WWOX: variants seen among roughly 807,000 people sequenced by gnomAD.
WWOX encodes the protein WW domain-containing oxidoreductase.
In WWOX, 69 loss-of-function variants were observed where a neutral mutation model predicts 46.2. The ratio of observed to expected loss-of-function variants is 1.49; its 90% CI spans 1.23 to 1.82. The LOEUF is 1.82. WWOX is among the 40% of genes most tolerant of loss of function. The pLI, the probability that WWOX is intolerant of heterozygous loss-of-function variation, is 0.00. For missense variants in WWOX, 919 were observed against 542.6 expected (o/e 1.69, Z -6.89); for synonymous variants, 359 against 202.6 (o/e 1.77, Z -6.56).
chr16:78,859,537 T>C (rs2052667551), intron 8 of WWOX, among the ~76,000 whole-genome samples: 2 of 152,352 alleles, frequency 1.3e-5, no homozygotes, highest in East Asian at 1.9e-4. Flanking sequence ...AGAGGGCATG[T>C]TGCTGTTAGT....
chr16:78,510,928 G>T (rs1040608471), intron 8 of WWOX, among the ~76,000 whole-genome samples: 2 of 152,224 alleles, frequency 1.3e-5, no homozygotes, highest in Non-Finnish European at 2.9e-5. Flanking sequence ...GATGGTGCTT[G>T]TTGGTTGTAT....
At chr16:78,696,618 C>A (rs2048105208) in intron 8 of WWOX, among the ~76,000 whole-genome samples, 1 of 145,184 alleles carries the variant, frequency 6.9e-6, no homozygotes, top group Admixed American at 7.1e-5. Flanking sequence ...TAACCTTGCC[C>A]AGCTGTAGGC....
chr16:79,024,216 A>G (rs1384148234), intron 8 of WWOX, among the ~76,000 whole-genome samples: 3 of 152,096 alleles, frequency 2.0e-5, no homozygotes, highest in Non-Finnish European at 4.4e-5. Flanking sequence ...ACTAAAAACC[A>G]CTGAACTGTA....
intron 8 of WWOX, among the ~76,000 whole-genome samples, chr16:78,690,022 A>G (rs981686181): frequency 6.6e-6 from 1 of 151,810 alleles, no homozygotes; most frequent in African/African-American, 2.4e-5. Context: ...CCCCATGCCC[A>G]GCCAATTTTT....
intron 8 of WWOX, among the ~76,000 whole-genome samples, chr16:78,703,450 C>T (rs996142122): frequency 5.5e-5 from 5 of 91,154 alleles, no homozygotes; most frequent in African/African-American, 3.0e-4. Flanking sequence ...TCTGTCTCTA[C>T]ACATTTTTTT....
chr16:79,193,840 C>T (rs188976768), intron 8 of WWOX, among the ~76,000 whole-genome samples: 7 of 152,214 alleles, frequency 4.6e-5, no homozygotes, highest in South Asian at 2.1e-4. Context: ...TGTGGTTTAA[C>T]GAGTTCAGGG....
intron 8 of WWOX, among the ~76,000 whole-genome samples, chr16:78,845,251 A>G (rs1235560331): frequency 6.6e-6 from 1 of 151,950 alleles, no homozygotes; most frequent in South Asian, 2.1e-4. Flanking sequence ...TTGTGGCTCA[A>G]AATGAAACTT....
In WWOX at chr16:78,945,535, G is replaced by A. The variant is rs117150796; in HGVS notation, c.1057-266073G>A. Among the ~76,000 whole-genome samples, 1,345 of 152,110 alleles carry A rather than the reference G, an allele frequency of 8.8e-3. 13 individuals are homozygous for A. The highest frequency in any genetic ancestry group is 0.014 in the Middle Eastern group (4 of 294). Reference sequence around the variant, plus strand: ...CTCTTCTGTTACTGTTTATATACCCGGCCACTTCTGCCAAAATATGCTGGC... The same window carrying A: ...CTCTTCTGTTACTGTTTATATACCCAGCCACTTCTGCCAAAATATGCTGGC... On this transcript the variant is annotated intron_variant, in intron 8 of 8. Transcript: ENST00000566780.
intron 8 of WWOX, among the ~76,000 whole-genome samples, chr16:78,680,769 G>T (rs1484931459): frequency 6.6e-6 from 1 of 152,110 alleles, no homozygotes; most frequent in African/African-American, 2.4e-5. Context: ...TTTGGGTATG[G>T]AGCACTTAGC....
chr16:78,145,706 C>G (rs961527105), intron 4 of WWOX, among the ~76,000 whole-genome samples: 1 of 152,198 alleles, frequency 6.6e-6, no homozygotes, highest in African/African-American at 2.4e-5. Flanking sequence ...TATTAACCAT[C>G]TCAGTAGGCT....
chr16:78,629,728 C>A lies in WWOX; in HGVS notation c.1056+196976C>A, dbSNP rs548157577. Among the ~76,000 whole-genome samples the A allele has an allele frequency of 3.2e-4, 49 of 152,316 alleles. No homozygotes were observed. In the South Asian group the frequency reaches 9.7e-3, roughly 30 times the overall value. ...CTTTAGCTAATCAACTCTTTCTCAT[C>A]ATTTAGGCTTCAAATGGATCATCAC... On this transcript the variant is annotated intron_variant, in intron 8 of 8. Transcript: ENST00000566780.
intron 8 of WWOX, among the ~76,000 whole-genome samples, chr16:78,640,943 A>AG (rs1342864861): frequency 2.6e-5 from 4 of 151,498 alleles, no homozygotes; most frequent in African/African-American, 9.7e-5. Context: ...TGTCTTCAAA[A>AG]AAAAAAAAAA....
At chr16:79,198,008 C>G (rs897736915) in intron 8 of WWOX, among the ~76,000 whole-genome samples, 1 of 152,036 alleles carries the variant, frequency 6.6e-6, no homozygotes, top group Non-Finnish European at 1.5e-5. Flanking sequence ...GGTCATCTAC[C>G]AAAATCTGAG....
chr16:78,372,265 T>G (rs766043535), intron 5 of WWOX, among the ~76,000 whole-genome samples: 1 of 152,294 alleles, frequency 6.6e-6, no homozygotes. Context: ...CCCATTTAAT[T>G]CTTTGATTCT....
Position 78,862,393 on chromosome 16 carries a change from C to G in WWOX, c.1057-349215C>G, listed in dbSNP as rs117479374. On this transcript the variant is annotated intron_variant, in intron 8 of 8. Coordinates refer to ENST00000566780, the MANE Select transcript of WWOX (RefSeq NM_016373.4). The stretch of plus-strand genomic sequence containing the variant: ...AGTATATAGAGTATACATATACACA[C>G]TATAGTGTATGTACTATACACTGTG... Among the ~76,000 whole-genome samples the G allele has an allele frequency of 3.4e-3, 520 of 151,346 alleles. 22 individuals carry two copies. The East Asian group carries it at 0.075, about 22-fold the overall frequency.
intron 8 of WWOX, among the ~76,000 whole-genome samples, chr16:78,485,564 C>G (rs2084613022): frequency 6.6e-6 from 1 of 152,182 alleles, no homozygotes; most frequent in African/African-American, 2.4e-5. Context: ...TTAATGTATA[C>G]TGTGTTCTTT....
chr16:78,476,667 C>T (rs1414044649), intron 8 of WWOX, among the ~76,000 whole-genome samples: 1 of 151,720 alleles, frequency 6.6e-6, no homozygotes, highest in Non-Finnish European at 1.5e-5. Context: ...ATTTCAAGAC[C>T]CGTCCCCCAT....
chr16:78,787,377 G>T (rs7198496), intron 8 of WWOX, among the ~76,000 whole-genome samples: 1 of 152,000 alleles, frequency 6.6e-6, no homozygotes, highest in Non-Finnish European at 1.5e-5. Context: ...TGTCTCTATA[G>T]ATTTGACTAT....
intron 6 of WWOX, among the ~76,000 whole-genome samples, chr16:78,417,525 A>ATTTTTTTCCTTTTTTG: frequency 6.6e-6 from 1 of 152,230 alleles, no homozygotes; most frequent in African/African-American, 2.4e-5. Flanking sequence ...AAGGAAAAAA[A>ATTTTTTTCCTTTTTTG]AGTATTAATA....
Sources: gnomAD v4.1 joint callset for allele counts (sites outside exome capture counted in the v4.1 genomes callset) on GRCh38, gnomAD v4.1.1 for gene constraint, MANE v1.5 for transcripts, NCBI Gene and HGNC (gene_info 2026-07-23, HGNC 2026-07-21) for gene names.